Variants in DHX57 observed in about 807,000 individuals in gnomAD.
DHX57 encodes DExH-box helicase 57.
Under a neutral mutation model 156.2 loss-of-function variants are expected in DHX57, and 105 were observed. The ratio of observed to expected loss-of-function variants is 0.67; its 90% CI spans 0.57 to 0.79. The LOEUF (loss-of-function observed/expected upper bound fraction) is 0.79, where lower values mean the gene tolerates loss of function less well. DHX57 is among the 30% of genes least tolerant of loss of function. The pLI is 0.00. For missense variants in DHX57, 1,847 were observed against 1,661.9 expected (o/e 1.11, Z -1.94); for synonymous variants, 704 against 595.6 (o/e 1.18, Z -2.65).
At position 38,862,174 on chromosome 2, in the gene DHX57, G is replaced by A. The variant is rs1673263589; in HGVS notation, c.543C>T (p.Val181=). 1 of 1,608,214 alleles carries A rather than the reference G, an allele frequency of 6.2e-7. No individual in the cohort carries two copies. The highest frequency in any genetic ancestry group is 8.5e-7 in the Non-Finnish European group (1 of 1,176,792). Reference sequence around the variant, plus strand: ...AAAGTTTTTGCACTGCAAATGGGGAGACTGTAAATTCTGGAACATAAGGCT... The same window carrying A: ...AAAGTTTTTGCACTGCAAATGGGGAAACTGTAAATTCTGGAACATAAGGCT... ...SVEPYVPEFT[V]SPFAVQKLSR... The change falls in exon 4 of 24, where the codon GTC becomes GTT. Residue 181 remains valine (V), a synonymous_variant. Coordinates refer to ENST00000457308, the MANE Select transcript of DHX57 (RefSeq NM_198963.3).
chr2:38,845,463 G>T (rs1010429711), intron 11 of DHX57, among the ~76,000 whole-genome samples: 2 of 152,056 alleles, frequency 1.3e-5, no homozygotes, highest in Admixed American at 6.6e-5. Context: ...TAGGAGGGGG[G>T]CTTATTAGAG....
At chr2:38,858,970 C>A (rs946251268) in intron 5 of DHX57, 134 bp from the exon 6 acceptor site, 10 of 835,364 alleles carry the variant, frequency 1.2e-5, no homozygotes, top group Middle Eastern at 3.5e-4. Context: ...AAAGTAAGTT[C>A]ATTCATTTCT....
chr2:38,803,788 C>CT lies in DHX57; in HGVS notation c.3817-874dup, dbSNP rs35988170. On this transcript the variant is annotated intron_variant, in intron 22 of 23. Transcript: ENST00000457308. Reference sequence around the variant, plus strand: ...ACAGGTGTGAGTCACCACACCCAGCCTTTTTTTTTTTGAGATGCAGTCTCG... The same window carrying CT: ...ACAGGTGTGAGTCACCACACCCAGCCTTTTTTTTTTTTGAGATGCAGTCTCG... 5.4e-4 allele frequency among the ~76,000 whole-genome samples: 78 copies of CT among 143,828 alleles called. 1 individual carries two copies. Among genetic ancestry groups the CT allele is most frequent in the South Asian group, 4.2e-3 (19 of 4,498 alleles). 94.4% of individuals were successfully genotyped at this position (143,828 alleles called of 152,430 possible).
intron 13 of DHX57, among the ~76,000 whole-genome samples, chr2:38,829,089 A>G (rs1237139704): frequency 1.3e-5 from 2 of 151,858 alleles, no homozygotes; most frequent in Non-Finnish European, 2.9e-5. Flanking sequence ...CTACAGGTAC[A>G]TGCCATCACG....
At chr2:38,862,411 A>T in intron 3 of DHX57, 78 bp from the exon 4 acceptor site, 2 of 1,340,270 alleles carry the variant, frequency 1.5e-6, no homozygotes, top group Non-Finnish European at 2.0e-6. Context: ...AGGTCTAAGA[A>T]TTTAATTCAT....
Position 38,806,510 on chromosome 2 carries a change from C to T in DHX57, c.3816+49G>A, listed in dbSNP as rs770982333. 50 of 1,594,380 alleles carry T rather than the reference C, an allele frequency of 3.1e-5. 1 individual carries two copies. The South Asian group carries it at 5.5e-4, about 17-fold the overall frequency. ...TGGCTGAATTTAAGGAATTGCATTT[C>T]CTACCCCAGGACGACCTGTAAACAT... On this transcript the variant is annotated intron_variant, in intron 22 of 23. Transcript: ENST00000457308.
intron 11 of DHX57, among the ~76,000 whole-genome samples, chr2:38,843,852 C>CA (rs1291814508): frequency 1.3e-5 from 2 of 152,118 alleles, no homozygotes; most frequent in African/African-American, 2.4e-5. Flanking sequence ...GGGAAATTGG[C>CA]ATAGGTAAGT....
chr2:38,851,586 T>C (rs1475187914), intron 9 of DHX57, among the ~76,000 whole-genome samples: 1 of 152,160 alleles, frequency 6.6e-6, no homozygotes, highest in East Asian at 1.9e-4. Context: ...GATGTGAACA[T>C]CTTTTGAATT....
At chr2:38,801,670 C>T (rs1669690336) in intron 23 of DHX57, among the ~76,000 whole-genome samples, 1 of 152,122 alleles carries the variant, frequency 6.6e-6, no homozygotes, top group Non-Finnish European at 1.5e-5. Context: ...TCTCGGCTCA[C>T]TGCAACCTCC....
intron 1 of DHX57, among the ~76,000 whole-genome samples, chr2:38,870,891 A>C (rs531005743): frequency 1.3e-5 from 2 of 152,134 alleles, no homozygotes; most frequent in East Asian, 1.9e-4. Context: ...AAAAACAAAA[A>C]ACAAAAAACA....
At chr2:38,827,899 C>A (rs1271412712) in intron 14 of DHX57, among the ~76,000 whole-genome samples, 1 of 152,032 alleles carries the variant, frequency 6.6e-6, no homozygotes, top group Non-Finnish European at 1.5e-5. Flanking sequence ...TCTTGTTGCC[C>A]GGGCTGGAGC....
At chr2:38,798,796 T>C (rs2148521423) in intron 23 of DHX57, among the ~76,000 whole-genome samples, 1 of 151,816 alleles carries the variant, frequency 6.6e-6, no homozygotes, top group East Asian at 2.0e-4. Flanking sequence ...ATACAAAAAT[T>C]AGCGAGTTGT....
intron 6 of DHX57, among the ~76,000 whole-genome samples, chr2:38,858,263 T>C (rs546478013): frequency 6.6e-6 from 1 of 152,286 alleles, no homozygotes; most frequent in East Asian, 1.9e-4. Context: ...GGTTTTGCCA[T>C]GTTGGCTAGG....
At chr2:38,858,579 G>A in intron 6 of DHX57, 82 bp downstream of exon 6, 1 of 1,478,382 alleles carries the variant, frequency 6.8e-7, no homozygotes, top group Non-Finnish European at 9.0e-7. Context: ...TTTTAAGGAG[G>A]GTAGCCAAAG....
chr2:38,856,306 A>G, intron 7 of DHX57, 34 bp downstream of exon 7: 1 of 1,591,490 alleles, frequency 6.3e-7, no homozygotes, highest in Non-Finnish European at 8.5e-7. Context: ...ATATTTATAG[A>G]TGAAAGCTAC....
intron 22 of DHX57, among the ~76,000 whole-genome samples, chr2:38,806,119 C>A (rs541923162): frequency 1.3e-5 from 2 of 152,226 alleles, no homozygotes; most frequent in African/African-American, 2.4e-5. Context: ...TGATGAGGAC[C>A]AAGGGATGAC....
chr2:38,807,434 T>C (rs1670008426), intron 21 of DHX57, among the ~76,000 whole-genome samples: 1 of 152,064 alleles, frequency 6.6e-6, no homozygotes, highest in Non-Finnish European at 1.5e-5. Context: ...CTGGGCTCAC[T>C]GCAAGTTCCG....
At chr2:38,827,288 A>ATATTCTAC (rs1452511222) in intron 14 of DHX57, among the ~76,000 whole-genome samples, 1 of 151,354 alleles carries the variant, frequency 6.6e-6, no homozygotes, top group Non-Finnish European at 1.5e-5. Flanking sequence ...TAAATAATTG[A>ATATTCTAC]TATTCTACAA....
intron 23 of DHX57, among the ~76,000 whole-genome samples, chr2:38,801,917 T>G (rs1267584229): frequency 6.6e-6 from 1 of 152,136 alleles, no homozygotes; most frequent in Non-Finnish European, 1.5e-5. Context: ...TTCTTAAATA[T>G]GTACTCTCCA....
Sources: allele counts gnomAD v4.1 joint callset (sites outside exome capture counted in the v4.1 genomes callset), GRCh38; gene constraint gnomAD v4.1.1; transcripts MANE v1.5; gene names NCBI Gene and HGNC (gene_info 2026-07-23, HGNC 2026-07-21).